The following LAMB3 variants were observed in gnomAD, a reference collection of about 807,000 sequenced individuals.
The protein encoded by LAMB3 is laminin subunit beta-3.
Under a neutral mutation model 140.3 loss-of-function variants are expected in LAMB3, and 104 were observed. The ratio of observed to expected loss-of-function variants is 0.74; its 90% CI spans 0.63 to 0.87. The LOEUF is 0.87. Ranked by LOEUF, LAMB3 falls within the 40% of genes least tolerant of loss-of-function variation. The pLI, the probability that LAMB3 is intolerant of heterozygous loss-of-function variation, is 0.00. For synonymous variants in LAMB3, 592 were observed against 602.9 expected, an observed-to-expected ratio of 0.98 and a Z score of 0.26; for missense variants, 1,531 against 1,575.2, an observed-to-expected ratio of 0.97 and a Z score of 0.47.
In LAMB3 at chr1:209,617,474, G is replaced by GC; in HGVS notation, c.3163dup (p.Ala1055GlyfsTer25). 1 of 1,613,722 alleles carries GC rather than the reference G, an allele frequency of 6.2e-7. No homozygotes were observed. Among genetic ancestry groups the GC allele is most frequent in the Non-Finnish European group, 8.5e-7 (1 of 1,180,052 alleles). ...AAGCTGCTGGGCCTGGACTGCCTCT[G>GC]CCCCCTGCTGCCGGGCTTGGTGGCG... On this transcript the variant is annotated frameshift_variant, in exon 21 of 23. Coordinates refer to ENST00000356082, the MANE Select transcript of LAMB3 (RefSeq NM_000228.3). LOFTEE classifies it high-confidence loss of function.
rs1365173764 is a variant in LAMB3 at position 209,616,610 on chromosome 1, T to C, written c.3243A>G (p.Ile1081Met). 2.5e-6 allele frequency: 4 copies of C among 1,614,104 alleles called. No homozygotes were observed. The highest frequency in any genetic ancestry group is 2.5e-6 in the Non-Finnish European group (3 of 1,180,036). ...ALSAQEGFER[I>M]KQKYAELKDR... ...CCTTCAACTCAGCATACTTTTGTTT[T>C]ATTCTCTCAAATCCCTGAAAAAGGT... The change falls in exon 22 of 23, where the codon ATA (isoleucine) becomes ATG (methionine). Residue 1081 changes from isoleucine (I) to methionine (M), a missense_variant. Coordinates refer to ENST00000356082, the MANE Select transcript of LAMB3 (RefSeq NM_000228.3).
chr1:209,637,969 A>G lies in LAMB3; in HGVS notation c.311T>C (p.Val104Ala). The change falls in exon 5 of 23, where the codon GTC becomes GCC. Residue 104 changes from valine to alanine, a missense_variant. By Grantham distance (64) the Val-to-Ala change is moderately conservative (BLOSUM62 0). Transcript: ENST00000356082. ...WWQSQNDVNP[V>A]SLQLDLDRRF... Reference sequence around the variant, plus strand: ...CCTGTCCAGGTCCAGCTGCAGAGAGACAGGGTTCACATCTGGAAGGACAAA... The same window carrying G: ...CCTGTCCAGGTCCAGCTGCAGAGAGGCAGGGTTCACATCTGGAAGGACAAA... The G allele has an allele frequency of 6.2e-7, 1 of 1,613,002 alleles. No individual in the cohort carries two copies. The highest frequency in any genetic ancestry group is 8.5e-7 in the Non-Finnish European group (1 of 1,179,530).
intron 3 of LAMB3, among the ~76,000 whole-genome samples, chr1:209,642,559 C>T (rs979864441): frequency 3.9e-5 from 6 of 152,156 alleles, no homozygotes; most frequent in Non-Finnish European, 7.3e-5. Context: ...CTCACTGCAA[C>T]CCTCTGCCTC....
intron 13 of LAMB3, 152 bp downstream of exon 13, chr1:209,626,715 G>A (rs1443246351): frequency 2.9e-6 from 2 of 695,166 alleles, no homozygotes; most frequent in East Asian, 2.7e-5. Flanking sequence ...CAACAGGCCG[G>A]AGTGTGTGCA....
chr1:209,631,823 C>T (rs1326707851), intron 8 of LAMB3, among the ~76,000 whole-genome samples: 2 of 152,206 alleles, frequency 1.3e-5, no homozygotes. Context: ...GAATTTGGCC[C>T]AGAAGTGGAA....
chr1:209,640,976 T>G (rs2076463695), intron 3 of LAMB3, among the ~76,000 whole-genome samples: 2 of 150,298 alleles, frequency 1.3e-5, no homozygotes, highest in Non-Finnish European at 3.0e-5. Context: ...CCAGCTACTC[T>G]GGAGGCTGAG....
chr1:209,649,953 G>A lies in LAMB3; in HGVS notation c.183+11C>T. ...TCCCGCCTTCCTCCAGTCCTGGGAA[G>A]TAGGGCCTACCTCGCCATACTGGGT... is the stretch of plus-strand genomic sequence containing the variant. On this transcript the variant is annotated intron_variant, in intron 3 of 22. Transcript: ENST00000356082. 6.2e-7 allele frequency: 1 copy of A among 1,614,182 alleles called. No homozygotes were observed. Among genetic ancestry groups the A allele is most frequent in the Non-Finnish European group, 8.5e-7 (1 of 1,180,014 alleles).
rs142689095 is a variant in LAMB3, at chr1:209,625,762, G to A, written c.1862C>T (p.Ala621Val). The A allele has an allele frequency of 8.1e-5, 131 of 1,614,180 alleles. No homozygotes were observed. In the African/African-American group the frequency reaches 1.5e-3, roughly 18 times the overall value. The stretch of plus-strand genomic sequence containing the variant: ...ACTCTTTGCATCTAGGATCCGGGAG[G>A]CCAGGCCACGGTCCTCCAGCCCAGG... ...SGPGLEDRGL[A>V]SRILDAKSKI... The change falls in exon 14 of 23, where the codon GCC becomes GTC. Residue 621 changes from alanine to valine, a missense_variant. Physicochemically the swap from Ala to Val is moderately conservative, Grantham distance 64. Transcript: ENST00000356082.
chr1:209,617,761 G>GGCCCATAGCCT, intron 20 of LAMB3, 146 bp downstream of exon 20: 1 of 1,245,970 alleles, frequency 8.0e-7, no homozygotes, highest in South Asian at 1.2e-5. Flanking sequence ...GAAAATCCAA[G>GGCCCATAGCCT]GCCCATAGCC....
intron 12 of LAMB3, 23 bp downstream of exon 12, chr1:209,627,360 C>A: frequency 6.2e-7 from 1 of 1,602,530 alleles, no homozygotes; most frequent in Non-Finnish European, 8.5e-7. Context: ...TGAGGGGGCC[C>A]CCGGACCACC....
chr1:209,646,603 GAGGGCAGCCCAGGGA>G (rs2102460610), intron 3 of LAMB3, among the ~76,000 whole-genome samples: 1 of 152,334 alleles, frequency 6.6e-6, no homozygotes, highest in South Asian at 2.1e-4. Flanking sequence ...AGGCACAGAG[GAGGGCAGCCCAGGGA>G]TGGGTGGATT....
chr1:209,635,277 C>T (rs1666856852), intron 5 of LAMB3, among the ~76,000 whole-genome samples: 1 of 152,232 alleles, frequency 6.6e-6, no homozygotes, highest in Admixed American at 6.5e-5. Flanking sequence ...CTGAACCAGG[C>T]CCAGGCCTGT....
At chr1:209,649,102 T>A (rs2076542479) in intron 3 of LAMB3, among the ~76,000 whole-genome samples, 1 of 152,100 alleles carries the variant, frequency 6.6e-6, no homozygotes, top group Admixed American at 6.5e-5. Flanking sequence ...ACACAGGGAC[T>A]AGAAGGGCAG....
At chr1:209,645,230 G>C (rs529918963) in intron 3 of LAMB3, among the ~76,000 whole-genome samples, 1 of 152,230 alleles carries the variant, frequency 6.6e-6, no homozygotes, top group East Asian at 1.9e-4. Context: ...CTTTGCAAAA[G>C]TCACATCTAA....
intron 20 of LAMB3, 64 bp from the exon 21 acceptor site, chr1:209,617,650 A>AT: frequency 1.3e-6 from 2 of 1,581,668 alleles, no homozygotes; most frequent in Non-Finnish European, 1.7e-6. Flanking sequence ...GTTCATCCCC[A>AT]TTTTTTCTCC....
intron 20 of LAMB3, 95 bp from the exon 21 acceptor site, chr1:209,617,681 C>G: frequency 7.0e-7 from 1 of 1,431,672 alleles, no homozygotes. Context: ...GCAGCAAAAA[C>G]CCTCTCCAAC....
At position 209,638,469 on chromosome 1, in the gene LAMB3, C is replaced by T. The variant is rs552202367; in HGVS notation, c.298+65G>A. 243 of 1,064,258 alleles carry T rather than the reference C, an allele frequency of 2.3e-4. 1 individual carries two copies. The African/African-American group carries it at 3.3e-3, about 14-fold the overall frequency. 65.9% of individuals were successfully genotyped at this position (1,064,258 alleles called of 1,614,324 possible). A position where few individuals can be genotyped will look rare whatever the true frequency, so the allele number is the denominator to read the frequency against. ...GGGAAACCCAAAGGGTTATAGGGCA[C>T]CTTCCATCCGTCTTATCCTGTGGAG... On this transcript the variant is annotated intron_variant, in intron 4 of 22. Transcript: ENST00000356082.
At chr1:209,640,951 C>T (rs949420077) in intron 3 of LAMB3, among the ~76,000 whole-genome samples, 10 of 151,984 alleles carry the variant, frequency 6.6e-5, no homozygotes, top group African/African-American at 1.9e-4. Flanking sequence ...GGCATGGTGG[C>T]GGGCCCCTGT....
At chr1:209,641,082 CA>C (rs61080331) in intron 3 of LAMB3, among the ~76,000 whole-genome samples, 32,874 of 100,530 alleles carry the variant, frequency 0.33, 4,207 homozygotes, top group East Asian at 0.45. Context: ...GACTCTGTCT[CA>C]AAAAAAAAAA....
Sources: gnomAD v4.1 joint callset for allele counts (sites outside exome capture counted in the v4.1 genomes callset) on GRCh38, gnomAD v4.1.1 for gene constraint, MANE v1.5 for transcripts, NCBI Gene and HGNC (gene_info 2026-07-23, HGNC 2026-07-21) for gene names.